Variants in IL1RAPL1 observed in about 807,000 individuals in gnomAD.
IL1RAPL1 encodes the protein interleukin 1 receptor accessory protein like 1, also known as interleukin-1 receptor accessory protein-like 1.
A neutral mutation model predicts 48.4 loss-of-function variants in IL1RAPL1; 3 were observed. That is an observed-to-expected ratio of 0.06 (90% CI 0.03 to 0.16). IL1RAPL1 has a LOEUF of 0.16. Ranked by LOEUF, IL1RAPL1 falls within the 10% of genes least tolerant of loss-of-function variation. The pLI is 1.00. For synonymous variants in IL1RAPL1, 185 were observed against 187.7 expected (o/e 0.99, Z 0.12); for missense variants, 349 against 530.6 (o/e 0.66, Z 3.36).
chrX:29,338,857 A>G (rs1282773902), intron 3 of IL1RAPL1, among the ~76,000 whole-genome samples: 1 of 110,361 alleles, frequency 9.1e-6, no homozygotes, highest in East Asian at 2.8e-4. Flanking sequence ...GGTGCCCCCC[A>G]TTTTAGAAAG....
At position 29,156,488 on chromosome X, in the gene IL1RAPL1, A is replaced by G. The variant is rs147922157; in HGVS notation, c.83-126450A>G. On this transcript the variant is annotated intron_variant, in intron 2 of 10. Transcript: ENST00000378993. ...GAATAGTCATCACACAAATCTATGT[A>G]GCAGTTCCCACAGCCATCTGGGTAG... is the stretch of plus-strand genomic sequence containing the variant. 9.6e-4 allele frequency among the ~76,000 whole-genome samples: 108 copies of G among 112,211 alleles called. No individual in the cohort carries two copies. In the East Asian group the frequency reaches 0.017, roughly 17 times the overall value.
At chrX:29,944,837 C>T (rs1156391272) in intron 9 of IL1RAPL1, among the ~76,000 whole-genome samples, 1 of 110,942 alleles carries the variant, frequency 9.0e-6, no homozygotes, top group Non-Finnish European at 1.9e-5. Flanking sequence ...TTGTCATGGC[C>T]TCCAGTCACA....
chrX:29,419,351 G>A (rs1218467382), intron 5 of IL1RAPL1, among the ~76,000 whole-genome samples: 1 of 107,265 alleles, frequency 9.3e-6, no homozygotes. Flanking sequence ...CCAGAGTTTC[G>A]CTCTTATCAC....
chrX:29,616,751 G>T lies in IL1RAPL1; in HGVS notation c.704-51679G>T, dbSNP rs73631668. Among the ~76,000 whole-genome samples, 634 of 111,042 alleles carry T rather than the reference G, an allele frequency of 5.7e-3. 7 individuals carry two copies. Among genetic ancestry groups the T allele is most frequent in the African/African-American group, 0.02 (611 of 30,533 alleles). On this transcript the variant is annotated intron_variant, in intron 5 of 10. Transcript: ENST00000378993. The stretch of plus-strand genomic sequence containing the variant: ...GTGCACTAAACTTGCCACAGGAGAC[G>T]ATGCTGACTGGGGAACTCTATTGAG...
chrX:29,827,472 C>T (rs906231908), intron 6 of IL1RAPL1, among the ~76,000 whole-genome samples: 2 of 111,868 alleles, frequency 1.8e-5, no homozygotes, highest in African/African-American at 6.5e-5. Context: ...AGCACCTAAC[C>T]TTTCAAGTGG....
chrX:29,049,489 C>T (rs1375659444), intron 2 of IL1RAPL1, among the ~76,000 whole-genome samples: 1 of 111,617 alleles, frequency 9.0e-6, no homozygotes, highest in African/African-American at 3.3e-5. Flanking sequence ...GCAATGGAAC[C>T]GTGAAGATAG....
At chrX:28,650,389 A>G in intron 1 of IL1RAPL1, among the ~76,000 whole-genome samples, 1 of 111,555 alleles carries the variant, frequency 9.0e-6, no homozygotes, top group Non-Finnish European at 1.9e-5. Flanking sequence ...GGATGACAGC[A>G]GGCAAAAAGA....
chrX:28,844,787 C>T (rs1355487282), intron 2 of IL1RAPL1, among the ~76,000 whole-genome samples: 1 of 111,124 alleles, frequency 9.0e-6, no homozygotes, highest in Non-Finnish European at 1.9e-5. Context: ...GTGACTTAAA[C>T]TAGCTACAAT....
At chrX:28,609,350 T>C (rs1934119785) in intron 1 of IL1RAPL1, among the ~76,000 whole-genome samples, 1 of 111,350 alleles carries the variant, frequency 9.0e-6, no homozygotes, top group African/African-American at 3.3e-5. Flanking sequence ...TCACTGTTGT[T>C]ATTATCATTG....
Position 29,298,371 on chromosome X carries a change from C to T in IL1RAPL1, c.362+15154C>T, listed in dbSNP as rs1219520870. Among the ~76,000 whole-genome samples the T allele has an allele frequency of 2.7e-5, 3 of 111,655 alleles. No individual in the cohort carries two copies. In the East Asian group the frequency reaches 8.4e-4, roughly 31 times the overall value. ...TAGCCCACTTGGTAAATAGTCTCTCCCTCAAAGGCTCAACCTCTTCAAACT... is the reference window on the plus strand; with the variant it reads ...TAGCCCACTTGGTAAATAGTCTCTCTCTCAAAGGCTCAACCTCTTCAAACT... On this transcript the variant is annotated intron_variant, in intron 3 of 10. Transcript: ENST00000378993.
At chrX:29,562,065 T>TA (rs1372820515) in intron 5 of IL1RAPL1, among the ~76,000 whole-genome samples, 4 of 103,995 alleles carry the variant, frequency 3.8e-5, no homozygotes, top group Admixed American at 1.0e-4. Flanking sequence ...TCTATCTATC[T>TA]ATCTATCTAT....
intron 5 of IL1RAPL1, among the ~76,000 whole-genome samples, chrX:29,615,275 T>A (rs944852241): frequency 8.0e-5 from 9 of 112,075 alleles, no homozygotes; most frequent in African/African-American, 2.9e-4. Context: ...GGCCTAATAT[T>A]ACGACTTTTC....
chrX:28,872,811 T>A (rs1053034412), intron 2 of IL1RAPL1, among the ~76,000 whole-genome samples: 2 of 112,335 alleles, frequency 1.8e-5, no homozygotes, highest in East Asian at 5.6e-4. Flanking sequence ...TAGTAGAGAC[T>A]TTGGGGAAAA....
At chrX:29,066,581 T>C (rs1340118463) in intron 2 of IL1RAPL1, among the ~76,000 whole-genome samples, 1 of 112,189 alleles carries the variant, frequency 8.9e-6, no homozygotes, top group Non-Finnish European at 1.9e-5. Flanking sequence ...ACCTGTGCTT[T>C]ATGAGCAGGG....
chrX:29,384,308 G>T (rs1398301217), intron 3 of IL1RAPL1, among the ~76,000 whole-genome samples: 1 of 111,689 alleles, frequency 9.0e-6, no homozygotes, highest in Non-Finnish European at 1.9e-5. Flanking sequence ...CCAGAACCCA[G>T]AAACTGAAAG....
At chrX:28,851,916 G>A (rs1350355132) in intron 2 of IL1RAPL1, among the ~76,000 whole-genome samples, 1 of 112,302 alleles carries the variant, frequency 8.9e-6, no homozygotes, top group African/African-American at 3.2e-5. Flanking sequence ...CTCATGCATT[G>A]AAGACAAATT....
chrX:29,268,234 G>A (rs964195563), intron 2 of IL1RAPL1, among the ~76,000 whole-genome samples: 11 of 111,737 alleles, frequency 9.8e-5, no homozygotes, highest in African/African-American at 3.6e-4. Context: ...CAGAAGTCAG[G>A]GACTACAGTT....
At chrX:29,370,965 A>G (rs896490297) in intron 3 of IL1RAPL1, among the ~76,000 whole-genome samples, 1 of 109,831 alleles carries the variant, frequency 9.1e-6, no homozygotes, top group African/African-American at 3.3e-5. Context: ...AAATCATGGT[A>G]ATTAGCATAT....
intron 6 of IL1RAPL1, among the ~76,000 whole-genome samples, chrX:29,702,126 A>G (rs769519133): frequency 9.0e-6 from 1 of 110,675 alleles, no homozygotes; most frequent in South Asian, 4.0e-4. Flanking sequence ...GTGGTGGTGT[A>G]CACCTGTAAT....
Sources: gnomAD v4.1 joint callset for allele counts (sites outside exome capture counted in the v4.1 genomes callset) on GRCh38, gnomAD v4.1.1 for gene constraint, MANE v1.5 for transcripts, NCBI Gene and HGNC (gene_info 2026-07-23, HGNC 2026-07-21) for gene names.